TRDN: variants seen among roughly 807,000 people sequenced by gnomAD.
The protein encoded by TRDN is triadin in skeletal muscle.
A neutral mutation model predicts 149.7 loss-of-function variants in TRDN; 161 were observed. The observed-to-expected ratio is 1.08, with a 90% confidence interval of 0.95 to 1.23. TRDN has a LOEUF of 1.23. Ranked by LOEUF, TRDN falls within the 50% of genes most tolerant of loss-of-function variation. The probability of loss-of-function intolerance (pLI) is 0.00; values close to 1 mark genes in which losing one functional copy is unlikely to be tolerated. For synonymous variants in TRDN, 294 were observed against 250.5 expected, an observed-to-expected ratio of 1.17 and a Z score of -1.64; for missense variants, 896 against 823.5, an observed-to-expected ratio of 1.09 and a Z score of -1.08.
chr6:123,597,176 T>G (rs1202783474), intron 1 of TRDN, among the ~76,000 whole-genome samples: 2 of 152,058 alleles, frequency 1.3e-5, no homozygotes, highest in Non-Finnish European at 2.9e-5. Context: ...AACAGTTGAT[T>G]CCAACCCTCA....
At chr6:123,390,584 A>T (rs1000906498) in intron 13 of TRDN, among the ~76,000 whole-genome samples, 1 of 152,132 alleles carries the variant, frequency 6.6e-6, no homozygotes, top group Non-Finnish European at 1.5e-5. Flanking sequence ...TGCCAACTGG[A>T]AAGCCATGTT....
intron 4 of TRDN, among the ~76,000 whole-genome samples, chr6:123,541,683 T>G (rs948440672): frequency 6.6e-6 from 1 of 152,112 alleles, no homozygotes; most frequent in African/African-American, 2.4e-5. Context: ...AGAGGAGACA[T>G]CCAAAGATAA....
intron 22 of TRDN, among the ~76,000 whole-genome samples, chr6:123,333,760 A>T (rs750768710): frequency 1.3e-4 from 20 of 151,992 alleles, no homozygotes; most frequent in Non-Finnish European, 2.5e-4. Context: ...GTTTGAGTCA[A>T]CTCTTATGAC....
At chr6:123,525,682 C>T (rs1022923092) in intron 5 of TRDN, among the ~76,000 whole-genome samples, 21 of 151,854 alleles carry the variant, frequency 1.4e-4, no homozygotes, top group Non-Finnish European at 2.8e-4. Context: ...CACATGTATC[C>T]CTTGAATCTA....
At chr6:123,224,871 T>C (rs4351282) in intron 38 of TRDN, among the ~76,000 whole-genome samples, 72,452 of 151,456 alleles carry the variant, frequency 0.48, 17,615 homozygotes, top group Admixed American at 0.57. Context: ...ACACTAAAAG[T>C]ATAGGCAACA....
At chr6:123,412,745 T>C (rs747627015) in intron 12 of TRDN, among the ~76,000 whole-genome samples, 2 of 152,086 alleles carry the variant, frequency 1.3e-5, no homozygotes, top group African/African-American at 2.4e-5. Flanking sequence ...AAATATTTTG[T>C]GGTAAAAAGT....
chr6:123,523,582 G>T (rs1170088443), intron 5 of TRDN, among the ~76,000 whole-genome samples: 3 of 152,120 alleles, frequency 2.0e-5, no homozygotes, highest in Admixed American at 2.0e-4. Context: ...TGGGAAATCA[G>T]TTAAGAAGTG....
At chr6:123,226,386 G>T (rs6929076) in intron 38 of TRDN, among the ~76,000 whole-genome samples, 4 of 151,758 alleles carry the variant, frequency 2.6e-5, no homozygotes, top group Non-Finnish European at 5.9e-5. Flanking sequence ...GGCAAAGTCC[G>T]TGTCCAAAAG....
intron 9 of TRDN, among the ~76,000 whole-genome samples, chr6:123,474,349 C>T (rs961719735): frequency 5.3e-5 from 8 of 152,022 alleles, no homozygotes; most frequent in African/African-American, 1.9e-4. Context: ...ACAAAGAAGG[C>T]CATTACATAA....
chr6:123,522,441 G>T (rs1445704989), intron 5 of TRDN, among the ~76,000 whole-genome samples: 3 of 151,246 alleles, frequency 2.0e-5, no homozygotes, highest in African/African-American at 7.3e-5. Context: ...ACTACATGGG[G>T]GGGGAAAGCC....
intron 33 of TRDN, among the ~76,000 whole-genome samples, chr6:123,263,624 G>A (rs1451839882): frequency 6.6e-6 from 1 of 151,968 alleles, no homozygotes; most frequent in Non-Finnish European, 1.5e-5. Context: ...GTGAGACCCT[G>A]TCTTTAAAAG....
At chr6:123,389,458 T>A (rs1215841590) in intron 13 of TRDN, 4 of 152,144 alleles carry the variant, frequency 2.6e-5, no homozygotes, top group Non-Finnish European at 5.9e-5. Flanking sequence ...TGTGCTACAA[T>A]TGCCAAAGCT....
chr6:123,582,846 G>A (rs1209901119), intron 1 of TRDN, among the ~76,000 whole-genome samples: 1 of 76,028 alleles, frequency 1.3e-5, no homozygotes, highest in Admixed American at 1.7e-4. Flanking sequence ...GTTTCTCAGG[G>A]CTGCTTTGAG....
chr6:123,438,287 C>CTAG (rs1235447422), intron 11 of TRDN, among the ~76,000 whole-genome samples, 165 bp from the exon 12 acceptor site: 1 of 151,444 alleles, frequency 6.6e-6, no homozygotes, highest in Non-Finnish European at 1.5e-5. Context: ...TCATAACAGA[C>CTAG]TAGTGGCTTA....
At chr6:123,351,190 G>A (rs1254434605) in intron 21 of TRDN, 16 of 983,738 alleles carry the variant, frequency 1.6e-5, no homozygotes, top group Non-Finnish European at 1.8e-5. Context: ...TATGTCATCT[G>A]TGTTGAAATT....
chr6:123,285,063 A>G (rs1461697961), intron 24 of TRDN, among the ~76,000 whole-genome samples: 2 of 152,152 alleles, frequency 1.3e-5, no homozygotes, highest in Non-Finnish European at 2.9e-5. Context: ...GGATAGAATC[A>G]GTATTGTGAA....
At chr6:123,297,976 A>G (rs1423370036) in intron 24 of TRDN, among the ~76,000 whole-genome samples, 1 of 152,066 alleles carries the variant, frequency 6.6e-6, no homozygotes, top group African/African-American at 2.4e-5. Context: ...GAAGTCTTCT[A>G]AGATTCCTCT....
chr6:123,571,102 T>A lies in TRDN; in HGVS notation c.53A>T (p.Asp18Val). ...TTTGGGCACAGATCCATTTTTGCTG[T>A]CTATCACAGTTGTGGTTGTAGATGC... ...GNASTTTTVI[D>V]SKNGSVPKSP... is the part of the protein sequence containing the mutation. Residue 18 changes from aspartate (D) to valine (V), a missense_variant, in exon 2 of 41, where the codon GAC becomes GTC. Coordinates refer to ENST00000334268, the MANE Select transcript of TRDN (RefSeq NM_006073.4). The A allele has an allele frequency of 6.2e-7, 1 of 1,613,852 alleles. No individual in the cohort carries two copies. The highest frequency in any genetic ancestry group is 8.5e-7 in the Non-Finnish European group (1 of 1,179,848).
At chr6:123,580,982 G>C (rs1312289254) in intron 1 of TRDN, among the ~76,000 whole-genome samples, 1 of 151,988 alleles carries the variant, frequency 6.6e-6, no homozygotes, top group Admixed American at 6.6e-5. Context: ...TATTGCCTAG[G>C]CTGGTCTCAA....
Sources: allele counts gnomAD v4.1 joint callset (sites outside exome capture counted in the v4.1 genomes callset), GRCh38; gene constraint gnomAD v4.1.1; transcripts MANE v1.5; gene names NCBI Gene and HGNC (gene_info 2026-07-23, HGNC 2026-07-21).